The following RANBP17 variants were observed in gnomAD, a reference collection of about 807,000 sequenced individuals.
The protein encoded by RANBP17 is RAN binding protein 17.
RANBP17 carries 158 observed loss-of-function variants against 141.2 expected under a neutral mutation model. The observed-to-expected ratio is 1.12, with a 90% CI of 0.98 to 1.28. The LOEUF (loss-of-function observed/expected upper bound fraction) is 1.28. RANBP17 is among the 50% of genes most tolerant of loss of function. The pLI is 0.00. For synonymous variants in RANBP17, 430 were observed against 450.0 expected, an observed-to-expected ratio of 0.96 and a Z score of 0.56; for missense variants, 1,438 against 1,290.7, an observed-to-expected ratio of 1.11 and a Z score of -1.75.
intron 14 of RANBP17, among the ~76,000 whole-genome samples, chr5:171,113,952 A>G (rs1396166697): frequency 6.6e-6 from 1 of 152,196 alleles, no homozygotes; most frequent in Non-Finnish European, 1.5e-5. Flanking sequence ...GTAAAACAGC[A>G]CCACTCTAAT....
chr5:171,122,303 G>A (rs1756097822), intron 14 of RANBP17, among the ~76,000 whole-genome samples: 2 of 152,090 alleles, frequency 1.3e-5, no homozygotes. Context: ...GAGTCAACGA[G>A]CATCAGGTGT....
chr5:171,228,529 A>G (rs1178363089), intron 22 of RANBP17, among the ~76,000 whole-genome samples: 2 of 152,226 alleles, frequency 1.3e-5, no homozygotes, highest in Non-Finnish European at 2.9e-5. Flanking sequence ...ACATAACCTT[A>G]GTTGATAAAG....
intron 2 of RANBP17, among the ~76,000 whole-genome samples, chr5:170,881,328 A>T (rs1276873172): frequency 6.6e-6 from 1 of 152,184 alleles, no homozygotes; most frequent in Non-Finnish European, 1.5e-5. Context: ...TGAGTATAGT[A>T]TTAAGATAAT....
At chr5:171,110,529 TC>T (rs1755150849) in intron 14 of RANBP17, among the ~76,000 whole-genome samples, 1 of 152,132 alleles carries the variant, frequency 6.6e-6, no homozygotes, top group African/African-American at 2.4e-5. Flanking sequence ...CAAAAACTTT[TC>T]CCTCTACTCC....
intron 3 of RANBP17, among the ~76,000 whole-genome samples, chr5:170,883,756 T>A (rs1768920217): frequency 6.6e-6 from 1 of 152,164 alleles, no homozygotes; most frequent in African/African-American, 2.4e-5. Flanking sequence ...GCATTTAAGG[T>A]TCCTCCATGT....
At chr5:170,983,046 CTCTTA>C (rs1457177148) in intron 14 of RANBP17, 5 of 494,536 alleles carry the variant, frequency 1.0e-5, no homozygotes, top group Non-Finnish European at 2.0e-5. Context: ...AACTTTACTT[CTCTTA>C]TATCTTTTAC....
chr5:171,019,637 A>T (rs1229435808), intron 14 of RANBP17, among the ~76,000 whole-genome samples: 1 of 150,834 alleles, frequency 6.6e-6, no homozygotes, highest in East Asian at 1.9e-4. Context: ...TGTCTATTTG[A>T]TTCTTCTCTC....
intron 13 of RANBP17, among the ~76,000 whole-genome samples, chr5:170,955,462 ATATC>A (rs1425409386): frequency 6.0e-5 from 4 of 66,146 alleles, no homozygotes; most frequent in African/African-American, 1.7e-4. Flanking sequence ...GTATATATAT[ATATC>A]TATATATATA....
chr5:171,254,246 CA>C (rs36093805), intron 24 of RANBP17, among the ~76,000 whole-genome samples: 66,670 of 115,058 alleles, frequency 0.58, 16,657 homozygotes, highest in Middle Eastern at 0.69. Context: ...GACTCTGTCT[CA>C]AAAAAAAAAA....
At chr5:171,199,544 T>C (rs1364399975) in intron 18 of RANBP17, 126 bp from the exon 19 acceptor site, 1 of 514,460 alleles carries the variant, frequency 1.9e-6, no homozygotes, top group East Asian at 3.1e-5. Context: ...AAATGTGGCA[T>C]GGATGTGAAT....
At chr5:170,891,528 T>C (rs1287616268) in intron 3 of RANBP17, among the ~76,000 whole-genome samples, 1 of 152,168 alleles carries the variant, frequency 6.6e-6, no homozygotes, top group Non-Finnish European at 1.5e-5. Context: ...GACTGGGTGA[T>C]TTATAAAGAA....
At chr5:171,190,795 A>G (rs1300055280) in intron 18 of RANBP17, among the ~76,000 whole-genome samples, 4 of 152,232 alleles carry the variant, frequency 2.6e-5, no homozygotes, top group Admixed American at 6.5e-5. Context: ...GCAAGGCACT[A>G]TAACAACGCT....
chr5:170,888,891 A>C (rs529814095), intron 3 of RANBP17, among the ~76,000 whole-genome samples: 1 of 152,092 alleles, frequency 6.6e-6, no homozygotes, highest in South Asian at 2.1e-4. Flanking sequence ...GTTTGCTGAG[A>C]GTTTTCATCT....
At chr5:171,157,531 A>T (rs1285224556) in intron 14 of RANBP17, among the ~76,000 whole-genome samples, 1 of 152,216 alleles carries the variant, frequency 6.6e-6, no homozygotes, top group East Asian at 1.9e-4. Flanking sequence ...TTACTTCTTA[A>T]AAAGGGCTTT....
chr5:171,126,400 C>T (rs1262294419), intron 14 of RANBP17, among the ~76,000 whole-genome samples: 1 of 151,980 alleles, frequency 6.6e-6, no homozygotes, highest in Non-Finnish European at 1.5e-5. Context: ...CCAAATGATG[C>T]ACATCAAGGA....
At chr5:170,944,414 A>G (rs996660373) in intron 12 of RANBP17, among the ~76,000 whole-genome samples, 1 of 152,132 alleles carries the variant, frequency 6.6e-6, no homozygotes, top group African/African-American at 2.4e-5. Flanking sequence ...TTACAGGCGC[A>G]TGCCACCATG....
At chr5:171,178,020 G>GTT (rs200845643) in intron 16 of RANBP17, among the ~76,000 whole-genome samples, 12 of 141,696 alleles carry the variant, frequency 8.5e-5, no homozygotes, top group African/African-American at 2.8e-4. Flanking sequence ...TTTTTATGTG[G>GTT]TTTTTTTTTT....
At chr5:171,150,558 C>G (rs1260962760) in intron 14 of RANBP17, among the ~76,000 whole-genome samples, 1 of 151,374 alleles carries the variant, frequency 6.6e-6, no homozygotes, top group African/African-American at 2.4e-5. Context: ...CTTTTTGCAC[C>G]AGATACTATG....
chr5:171,243,647 T>C (rs1388658451), intron 24 of RANBP17, among the ~76,000 whole-genome samples: 7 of 152,226 alleles, frequency 4.6e-5, no homozygotes, highest in Non-Finnish European at 8.8e-5. Context: ...ACCAACAGTA[T>C]ATGAGGATTC....
Sources: gnomAD v4.1 joint callset for allele counts (sites outside exome capture counted in the v4.1 genomes callset) on GRCh38, gnomAD v4.1.1 for gene constraint, MANE v1.5 for transcripts, NCBI Gene and HGNC (gene_info 2026-07-23, HGNC 2026-07-21) for gene names.